Variants in CADPS observed in about 807,000 individuals in gnomAD.
CADPS encodes the protein calcium dependent secretion activator.
Under a neutral mutation model 167.3 loss-of-function variants are expected in CADPS, and 57 were observed. That is an observed-to-expected ratio of 0.34 (90% confidence interval 0.28 to 0.42). The LOEUF (loss-of-function observed/expected upper bound fraction) is 0.42. Among genes scored for constraint, CADPS ranks in the 20% least tolerant of loss-of-function variants. The pLI, the probability that CADPS is intolerant of heterozygous loss-of-function variation, is 1.00. For missense variants in CADPS, 1,414 were observed against 1,738.1 expected (o/e 0.81, Z 3.32); for synonymous variants, 676 against 635.3 (o/e 1.06, Z -0.96).
chr3:62,560,521 T>C (rs982122249), intron 9 of CADPS, among the ~76,000 whole-genome samples: 1 of 152,188 alleles, frequency 6.6e-6, no homozygotes, highest in South Asian at 2.1e-4. Context: ...CATAAAAATC[T>C]AGTGATCTCA....
chr3:62,460,014 G>T (rs1189146463), intron 26 of CADPS, among the ~76,000 whole-genome samples: 1 of 152,132 alleles, frequency 6.6e-6, no homozygotes, highest in Non-Finnish European at 1.5e-5. Context: ...GATAGTTTCT[G>T]GAAAAGTCAC....
At chr3:62,872,840 TCA>T (rs1290457763) in intron 1 of CADPS, among the ~76,000 whole-genome samples, 1 of 152,160 alleles carries the variant, frequency 6.6e-6, no homozygotes, top group Non-Finnish European at 1.5e-5. Context: ...ACACTTAAAG[TCA>T]CAGTTTTCAT....
chr3:62,407,712 C>T (rs1409001588), intron 28 of CADPS, among the ~76,000 whole-genome samples: 3 of 152,240 alleles, frequency 2.0e-5, no homozygotes, highest in Admixed American at 2.0e-4. Flanking sequence ...CTCTCAGAAA[C>T]ATCATGGATA....
At chr3:62,759,414 C>A (rs2084815318) in intron 2 of CADPS, among the ~76,000 whole-genome samples, 1 of 152,102 alleles carries the variant, frequency 6.6e-6, no homozygotes, top group Non-Finnish European at 1.5e-5. Flanking sequence ...CATTACCATC[C>A]AAAGATGTCC....
intron 6 of CADPS, among the ~76,000 whole-genome samples, chr3:62,634,487 T>C (rs1465990023): frequency 1.3e-5 from 2 of 152,208 alleles, no homozygotes; most frequent in Non-Finnish European, 2.9e-5. Context: ...TGCTCACCTA[T>C]TTTAAAAATG....
At position 62,421,854 on chromosome 3, in the gene CADPS, A is replaced by G. The variant is rs1195919004; in HGVS notation, c.3777+16250T>C. Among the ~76,000 whole-genome samples the G allele has an allele frequency of 6.6e-6, 1 of 152,214 alleles. No homozygotes were observed. Among genetic ancestry groups the G allele is most frequent in the Admixed American group, 6.5e-5 (1 of 15,286 alleles). On this transcript the variant is annotated intron_variant, in intron 28 of 29. Coordinates refer to ENST00000383710, the MANE Select transcript of CADPS (RefSeq NM_003716.4). The surrounding 1 kb of genome is among the most constrained non-coding windows in gnomAD (Gnocchi z 4.7). ...CTGGACTGTTAGGCTGCATGTCTCA[A>G]GTTATAAAAAGAAAAGCCGAGGGCA...
intron 1 of CADPS, among the ~76,000 whole-genome samples, chr3:62,803,322 G>A (rs982671992): frequency 7.4e-6 from 1 of 135,214 alleles, no homozygotes; most frequent in Non-Finnish European, 1.6e-5. Context: ...AATGGCATTT[G>A]AGATGCTTCC....
intron 1 of CADPS, among the ~76,000 whole-genome samples, chr3:62,821,337 A>C (rs2094907234): frequency 6.6e-6 from 1 of 152,132 alleles, no homozygotes; most frequent in South Asian, 2.1e-4. Flanking sequence ...CCTTAACAAA[A>C]TATCACAAAC....
intron 1 of CADPS, among the ~76,000 whole-genome samples, chr3:62,849,697 T>A (rs1270473151): frequency 7.1e-6 from 1 of 141,016 alleles, no homozygotes; most frequent in Non-Finnish European, 1.5e-5. Context: ...TATTGAGGAT[T>A]TTTGCATCAA....
intron 1 of CADPS, among the ~76,000 whole-genome samples, chr3:62,852,247 G>C (rs997155931): frequency 6.6e-6 from 1 of 151,578 alleles, no homozygotes; most frequent in Non-Finnish European, 1.5e-5. Flanking sequence ...AGAGTAATTT[G>C]ATCGTCTGAA....
chr3:62,599,727 A>T (rs187499897), intron 6 of CADPS, among the ~76,000 whole-genome samples: 4 of 8,388 alleles, frequency 4.8e-4, no homozygotes, highest in African/African-American at 1.1e-3. Context: ...TAATATATAT[A>T]GTATATATAA....
intron 10 of CADPS, among the ~76,000 whole-genome samples, chr3:62,554,888 G>A (rs995211362): frequency 3.3e-5 from 5 of 152,098 alleles, no homozygotes; most frequent in Non-Finnish European, 7.4e-5. Flanking sequence ...GAGTAGCTCG[G>A]ATTACAGGTG....
intron 3 of CADPS, among the ~76,000 whole-genome samples, chr3:62,743,036 C>T (rs1432572070): frequency 1.3e-5 from 2 of 151,988 alleles, no homozygotes; most frequent in Non-Finnish European, 2.9e-5. Flanking sequence ...TCAACATCAC[C>T]GATCATTACA....
chr3:62,441,673 A>G (rs1374515362), intron 27 of CADPS, among the ~76,000 whole-genome samples: 1 of 152,226 alleles, frequency 6.6e-6, no homozygotes, highest in African/African-American at 2.4e-5. Flanking sequence ...AACACAGGTG[A>G]TCTCAGAGGC....
chr3:62,492,437 A>G lies in CADPS; in HGVS notation c.2737T>C (p.Trp913Arg). 6.2e-7 allele frequency: 1 copy of G among 1,613,162 alleles called. No homozygotes were observed. Among genetic ancestry groups the G allele is most frequent in the Non-Finnish European group, 8.5e-7 (1 of 1,179,462 alleles). ...PHVDKGEAFA[W>R]WSDLMVEHAE... ...TGCTCCACCATTAAATCTGACCACC[A>G]CGCAAAGGCCTTTAAAATTTGGCAG... The change falls in exon 20 of 30, where the codon TGG (tryptophan) becomes CGG (arginine). Residue 913 changes from tryptophan (W) to arginine (R), a missense_variant. This residue lies in a region of CADPS where 529 missense variants were observed against 629.6 expected (regional missense o/e 0.84). Coordinates refer to ENST00000383710, the MANE Select transcript of CADPS (RefSeq NM_003716.4).
chr3:62,466,640 C>T (rs2059967033), intron 24 of CADPS: 4 of 571,944 alleles, frequency 7.0e-6, no homozygotes, highest in East Asian at 6.4e-5. Flanking sequence ...TCAAGGCTTT[C>T]GATGCTTCTA....
chr3:62,716,925 G>A, intron 3 of CADPS, among the ~76,000 whole-genome samples: 1 of 152,046 alleles, frequency 6.6e-6, no homozygotes, highest in Admixed American at 6.5e-5. Flanking sequence ...ATCAACGTTA[G>A]GAAGGCAGAG....
chr3:62,415,745 A>C (rs1037265132), intron 28 of CADPS, among the ~76,000 whole-genome samples: 4 of 152,150 alleles, frequency 2.6e-5, no homozygotes, highest in African/African-American at 9.7e-5. Flanking sequence ...AGACTGTGCA[A>C]GGGTTCCCCG....
At chr3:62,576,817 A>AAAAAAAAAAAAAAAGCAGTCC (rs2082374054) in intron 8 of CADPS, among the ~76,000 whole-genome samples, 1 of 148,852 alleles carries the variant, frequency 6.7e-6, no homozygotes, top group Non-Finnish European at 1.5e-5. Context: ...AAAAAAAAAA[A>AAAAAAAAAAAAAAAGCAGTCC]GCAGTCCTAG....
Sources: allele counts gnomAD v4.1 joint callset (sites outside exome capture counted in the v4.1 genomes callset), GRCh38; gene constraint gnomAD v4.1.1; regional missense constraint gnomAD v4.1.1; non-coding constraint Gnocchi (gnomAD v3.1); transcripts MANE v1.5; gene names NCBI Gene and HGNC (gene_info 2026-07-23, HGNC 2026-07-21).